Variants in PDE3A observed in about 807,000 individuals in gnomAD.
PDE3A encodes cGMP-inhibited 3',5'-cyclic phosphodiesterase 3A.
A neutral mutation model predicts 98.3 loss-of-function variants in PDE3A; 43 were observed. The observed-to-expected ratio is 0.44, with a 90% CI of 0.34 to 0.56. The LOEUF is 0.56. Ranked by LOEUF, PDE3A falls within the 20% of genes least tolerant of loss-of-function variation. The pLI is 0.01. For synonymous variants in PDE3A, 663 were observed against 567.9 expected (o/e 1.17, Z -2.38); for missense variants, 1,427 against 1,440.7 (o/e 0.99, Z 0.15).
intron 1 of PDE3A, among the ~76,000 whole-genome samples, chr12:20,395,244 G>C (rs1398014122): frequency 6.6e-6 from 1 of 151,832 alleles, no homozygotes; most frequent in African/African-American, 2.4e-5. Flanking sequence ...TTACAGGTTT[G>C]CTTGGATGAA....
At chr12:20,398,611 C>T (rs1302983961) in intron 1 of PDE3A, among the ~76,000 whole-genome samples, 1 of 151,908 alleles carries the variant, frequency 6.6e-6, no homozygotes, top group African/African-American at 2.4e-5. Flanking sequence ...CTCTAGTGGC[C>T]TTCATTATAG....
intron 1 of PDE3A, among the ~76,000 whole-genome samples, chr12:20,490,230 A>G (rs1565565910): frequency 6.6e-6 from 1 of 152,168 alleles, no homozygotes; most frequent in East Asian, 1.9e-4. Flanking sequence ...TGAGCCATGT[A>G]GTGTCAGGAA....
At chr12:20,559,068 A>G (rs1329851964) in intron 2 of PDE3A, among the ~76,000 whole-genome samples, 1 of 152,202 alleles carries the variant, frequency 6.6e-6, no homozygotes, top group Non-Finnish European at 1.5e-5. Context: ...ACGCAACATT[A>G]CATACAGTAT....
chr12:20,385,986 TATATATAAAATATATATATAA>T (rs1565532269), intron 1 of PDE3A, among the ~76,000 whole-genome samples: 6 of 107,012 alleles, frequency 5.6e-5, no homozygotes, highest in Non-Finnish European at 8.5e-5. Context: ...TAATATATAA[TATATATAAAATATATATATAA>T]ATATATATAA....
intron 1 of PDE3A, among the ~76,000 whole-genome samples, chr12:20,443,491 G>C (rs1315842460): frequency 6.6e-6 from 1 of 152,108 alleles, no homozygotes; most frequent in Admixed American, 6.5e-5. Flanking sequence ...ATACAGACAT[G>C]AAATTAGGAA....
chr12:20,625,510 G>GCCT (rs1359477377), intron 5 of PDE3A, among the ~76,000 whole-genome samples: 1 of 152,012 alleles, frequency 6.6e-6, no homozygotes, highest in Non-Finnish European at 1.5e-5. Context: ...TTCTTCTTTG[G>GCCT]CATTCTCTTT....
At chr12:20,649,710 G>A (rs1398430576) in intron 13 of PDE3A, among the ~76,000 whole-genome samples, 7 of 152,144 alleles carry the variant, frequency 4.6e-5, no homozygotes, top group African/African-American at 1.4e-4. Context: ...TGGATCACTT[G>A]AGGCCAGGAG....
At chr12:20,574,150 G>A (rs1592070865) in intron 2 of PDE3A, among the ~76,000 whole-genome samples, 2 of 152,144 alleles carry the variant, frequency 1.3e-5, no homozygotes, top group East Asian at 3.9e-4. Flanking sequence ...TATGAACTTT[G>A]GAAGACTTCT....
At chr12:20,447,185 A>C (rs1371161379) in intron 1 of PDE3A, among the ~76,000 whole-genome samples, 5 of 152,230 alleles carry the variant, frequency 3.3e-5, no homozygotes, top group African/African-American at 1.2e-4. Context: ...GAGAGATAAC[A>C]GTGGCTTGGA....
intron 1 of PDE3A, among the ~76,000 whole-genome samples, chr12:20,397,736 G>C (rs552839733): frequency 6.6e-6 from 1 of 151,718 alleles, no homozygotes; most frequent in Non-Finnish European, 1.5e-5. Flanking sequence ...TGCCTCCTCC[G>C]TATATATTTT....
chr12:20,660,342 C>T (rs1945136567), intron 15 of PDE3A, among the ~76,000 whole-genome samples: 1 of 152,126 alleles, frequency 6.6e-6, no homozygotes. Context: ...TGGACTAATA[C>T]AGTAAGTTGG....
At chr12:20,635,161 CT>C (rs1944473125) in intron 8 of PDE3A, 105 bp downstream of exon 8, 1 of 1,002,810 alleles carries the variant, frequency 1.0e-6, no homozygotes, top group Non-Finnish European at 1.5e-6. Context: ...TGGCTCACAC[CT>C]GTAATCCCAA....
intron 1 of PDE3A, among the ~76,000 whole-genome samples, chr12:20,512,002 G>A (rs76276002): frequency 6.6e-6 from 1 of 151,948 alleles, no homozygotes; most frequent in African/African-American, 2.4e-5. Context: ...TACACGACTA[G>A]CATTAAAAAT....
intron 2 of PDE3A, among the ~76,000 whole-genome samples, chr12:20,595,220 T>A (rs1246224757): frequency 1.3e-5 from 2 of 152,142 alleles, no homozygotes; most frequent in African/African-American, 4.8e-5. Context: ...CTCATCCTAA[T>A]GCCGATTCTA....
intron 1 of PDE3A, among the ~76,000 whole-genome samples, chr12:20,469,318 T>C (rs1448407441): frequency 2.0e-5 from 3 of 152,180 alleles, no homozygotes; most frequent in Admixed American, 6.5e-5. Flanking sequence ...TTTGCCTGCC[T>C]TCTGAACTTC....
At chr12:20,609,814 A>C (rs1943802365) in intron 2 of PDE3A, among the ~76,000 whole-genome samples, 1 of 152,020 alleles carries the variant, frequency 6.6e-6, no homozygotes, top group Non-Finnish European at 1.5e-5. Context: ...AGTCTCTTTG[A>C]TAAAAGGTGC....
chr12:20,372,373 A>T (rs1232457965), intron 1 of PDE3A, among the ~76,000 whole-genome samples: 1 of 152,144 alleles, frequency 6.6e-6, no homozygotes, highest in Non-Finnish European at 1.5e-5. Flanking sequence ...TACATTTAGC[A>T]GAAATTGAGA....
chr12:20,404,913 CA>C (rs1316142850), intron 1 of PDE3A, among the ~76,000 whole-genome samples: 1 of 139,322 alleles, frequency 7.2e-6, no homozygotes, highest in Non-Finnish European at 1.5e-5. Context: ...TGATACCTGA[CA>C]AAGGAGTGAT....
chr12:20,475,348 T>C (rs1008179197), intron 1 of PDE3A, among the ~76,000 whole-genome samples: 1 of 152,152 alleles, frequency 6.6e-6, no homozygotes, highest in African/African-American at 2.4e-5. Flanking sequence ...GTTTGTTCTA[T>C]GGCATAATCT....
Sources: gnomAD v4.1 joint callset for allele counts (sites outside exome capture counted in the v4.1 genomes callset) on GRCh38, gnomAD v4.1.1 for gene constraint, MANE v1.5 for transcripts, NCBI Gene and HGNC (gene_info 2026-07-23, HGNC 2026-07-21) for gene names.